DSCAM: variants seen among roughly 807,000 people sequenced by gnomAD.
DSCAM encodes the protein DS cell adhesion molecule.
A neutral mutation model predicts 217.7 loss-of-function variants in DSCAM; 47 were observed. That is an observed-to-expected ratio of 0.22 (90% CI 0.17 to 0.28). DSCAM has a LOEUF of 0.28. Among genes scored for constraint, DSCAM ranks in the 10% least tolerant of loss-of-function variants. The pLI is 1.00. For synonymous variants in DSCAM, 1,056 were observed against 1,015.3 expected (o/e 1.04, Z -0.76); for missense variants, 2,080 against 2,618.3 (o/e 0.79, Z 4.49).
At chr21:40,402,990 T>C (rs1407014485) in intron 3 of DSCAM, among the ~76,000 whole-genome samples, 1 of 151,092 alleles carries the variant, frequency 6.6e-6, no homozygotes, top group African/African-American at 2.4e-5. Flanking sequence ...CCATAATTCA[T>C]AGTAATTCCC....
intron 3 of DSCAM, among the ~76,000 whole-genome samples, chr21:40,430,634 A>C (rs2075521883): frequency 6.6e-6 from 1 of 152,210 alleles, no homozygotes; most frequent in South Asian, 2.1e-4. Flanking sequence ...ATATACACAC[A>C]TATCTATCCT....
At chr21:40,740,672 A>G (rs1292887149) in intron 1 of DSCAM, among the ~76,000 whole-genome samples, 3 of 152,232 alleles carry the variant, frequency 2.0e-5, no homozygotes, top group African/African-American at 7.2e-5. Context: ...TCTTTGACCC[A>G]AGTAAGGCAG....
chr21:40,479,867 T>C (rs976406202), intron 3 of DSCAM, among the ~76,000 whole-genome samples: 4 of 152,156 alleles, frequency 2.6e-5, no homozygotes, highest in African/African-American at 7.2e-5. Flanking sequence ...TGTAAATATT[T>C]TGAATCTTAT....
rs1391253669 is a variant in DSCAM at position 40,619,995 on chromosome 21, GAGAA to G, written c.508+72811_508+72814del. On this transcript the variant is annotated intron_variant, in intron 3 of 32. Coordinates refer to ENST00000400454, the MANE Select transcript of DSCAM (RefSeq NM_001389.5). ...GAAGGAAAAGAAAAAGAAAGAGAGAGAGAAAGAGAGAGAAAAAAGAAAAAGAAAG... is the reference window on the plus strand; with the variant it reads ...GAAGGAAAAGAAAAAGAAAGAGAGAGAGAGAGAGAAAAAAGAAAAAGAAAG... Among the ~76,000 whole-genome samples, 6 of 121,970 alleles carry G rather than the reference GAGAA, an allele frequency of 4.9e-5. No homozygotes were observed. In the South Asian group the frequency reaches 8.8e-4, roughly 18 times the overall value. 80.0% of individuals were successfully genotyped at this position (121,970 alleles called of 152,430 possible).
intron 32 of DSCAM, among the ~76,000 whole-genome samples, chr21:40,023,366 T>A (rs1298058528): frequency 6.6e-6 from 1 of 152,072 alleles, no homozygotes; most frequent in East Asian, 1.9e-4. Context: ...TGATTTATAT[T>A]CCTTTGGGTA....
At chr21:40,047,678 G>A (rs975048182) in intron 30 of DSCAM, among the ~76,000 whole-genome samples, 2 of 152,136 alleles carry the variant, frequency 1.3e-5, no homozygotes, top group Non-Finnish European at 2.9e-5. Context: ...TGCAGTTGTG[G>A]AGGTCCAGCT....
intron 11 of DSCAM, among the ~76,000 whole-genome samples, chr21:40,191,999 G>A (rs2090957114): frequency 6.6e-6 from 1 of 151,950 alleles, no homozygotes; most frequent in Non-Finnish European, 1.5e-5. Context: ...ATATTCCAAG[G>A]TTCTAAGGGG....
At chr21:40,307,564 C>T (rs1239914016) in intron 9 of DSCAM, among the ~76,000 whole-genome samples, 1 of 152,018 alleles carries the variant, frequency 6.6e-6, no homozygotes, top group East Asian at 1.9e-4. Flanking sequence ...ACCATTTGAC[C>T]CAGCCATCCC....
intron 16 of DSCAM, among the ~76,000 whole-genome samples, chr21:40,165,641 T>C (rs1440968824): frequency 6.6e-6 from 1 of 152,216 alleles, no homozygotes; most frequent in Non-Finnish European, 1.5e-5. Flanking sequence ...CTCAGAAGTT[T>C]CCATTTTTAG....
intron 21 of DSCAM, among the ~76,000 whole-genome samples, chr21:40,093,265 G>A (rs1054231806): frequency 6.6e-5 from 10 of 152,136 alleles, no homozygotes; most frequent in Non-Finnish European, 1.3e-4. Flanking sequence ...CCTACTTCCT[G>A]CTGTTACTTA....
chr21:40,591,031 G>A (rs1023687909), intron 3 of DSCAM, among the ~76,000 whole-genome samples: 1 of 152,188 alleles, frequency 6.6e-6, no homozygotes, highest in African/African-American at 2.4e-5. Flanking sequence ...AGACCAGGTG[G>A]AGATAATGGA....
intron 22 of DSCAM, 34 bp from the exon 23 acceptor site, chr21:40,085,799 G>T (rs976556703): frequency 2.8e-6 from 4 of 1,435,806 alleles, no homozygotes; most frequent in Non-Finnish European, 3.7e-6. Flanking sequence ...ACAGATTAAA[G>T]AAATTACAAT....
chr21:40,208,817 T>A (rs756337837), intron 11 of DSCAM, among the ~76,000 whole-genome samples: 59 of 152,232 alleles, frequency 3.9e-4, no homozygotes, highest in Admixed American at 5.9e-4. Flanking sequence ...GCCCTACTCC[T>A]CCCTCCTCTT....
intron 3 of DSCAM, among the ~76,000 whole-genome samples, chr21:40,469,884 G>A (rs2075874283): frequency 6.6e-6 from 1 of 152,166 alleles, no homozygotes; most frequent in South Asian, 2.1e-4. Context: ...ATTTAACAAT[G>A]AGGCATATGT....
At chr21:40,797,448 A>G (rs537742341) in intron 1 of DSCAM, among the ~76,000 whole-genome samples, 21 of 152,312 alleles carry the variant, frequency 1.4e-4, no homozygotes, top group African/African-American at 4.3e-4. Context: ...AGGTGGAACA[A>G]CCACTTGTGC....
intron 5 of DSCAM, among the ~76,000 whole-genome samples, chr21:40,350,815 T>G (rs1438126594): frequency 1.3e-5 from 2 of 151,868 alleles, no homozygotes; most frequent in African/African-American, 4.8e-5. Context: ...GTCCCTGAGA[T>G]TTTGGAATTA....
chr21:40,210,099 TC>T (rs1482266933), intron 11 of DSCAM, among the ~76,000 whole-genome samples: 1 of 152,072 alleles, frequency 6.6e-6, no homozygotes, highest in African/African-American at 2.4e-5. Context: ...CCTCCCCCAT[TC>T]CCTATTTTGA....
chr21:40,045,517 G>T (rs746471412), intron 30 of DSCAM, among the ~76,000 whole-genome samples: 1 of 152,206 alleles, frequency 6.6e-6, no homozygotes, highest in Non-Finnish European at 1.5e-5. Context: ...GAAGAAGGAT[G>T]TTCCACCAGC....
At chr21:40,216,168 T>C (rs2091241649) in intron 11 of DSCAM, among the ~76,000 whole-genome samples, 1 of 152,112 alleles carries the variant, frequency 6.6e-6, no homozygotes, top group South Asian at 2.1e-4. Context: ...TGCAAGATCA[T>C]AGCTCACTGC....
Sources: gnomAD v4.1 joint callset for allele counts (sites outside exome capture counted in the v4.1 genomes callset) on GRCh38, gnomAD v4.1.1 for gene constraint, MANE v1.5 for transcripts, NCBI Gene and HGNC (gene_info 2026-07-23, HGNC 2026-07-21) for gene names.